Variants in ARAP2 observed in about 807,000 individuals in gnomAD.
ARAP2 encodes the protein ArfGAP with RhoGAP domain, ankyrin repeat and PH domain 2, also known as arf-GAP with Rho-GAP domain, ANK repeat and PH domain-containing protein 2.
Under a neutral mutation model 194.5 loss-of-function variants are expected in ARAP2, and 148 were observed. The ratio of observed to expected loss-of-function variants is 0.76; its 90% CI spans 0.67 to 0.87. The LOEUF (loss-of-function observed/expected upper bound fraction) is 0.87, where lower values mean the gene tolerates loss of function less well. ARAP2 is among the 40% of genes least tolerant of loss of function. ARAP2 has a pLI of 0.00. For synonymous variants in ARAP2, 695 were observed against 683.5 expected, an observed-to-expected ratio of 1.02 and a Z score of -0.26; for missense variants, 2,128 against 1,989.7, an observed-to-expected ratio of 1.07 and a Z score of -1.32.
rs373069894 is a variant in ARAP2 at position 36,131,753 on chromosome 4, A to G, written c.3427+1473T>C. ...AACTAACATGGTATGAAGATTCCCAATAAGGTTATGCTCCTGCTAAAACAT... is the reference window on the plus strand; with the variant it reads ...AACTAACATGGTATGAAGATTCCCAGTAAGGTTATGCTCCTGCTAAAACAT... On this transcript the variant is annotated intron_variant, in intron 20 of 32. Transcript: ENST00000303965. Among the ~76,000 whole-genome samples the G allele has an allele frequency of 8.6e-5, 13 of 151,868 alleles. No homozygotes were observed. The East Asian group carries it at 1.9e-3, about 23-fold the overall frequency.
chr4:36,058,234 A>G (rs1330824367), intron 1 of ARAP2: 1 of 152,238 alleles, frequency 6.6e-6, no homozygotes, highest in Non-Finnish European at 1.5e-5. Flanking sequence ...TTTTCTGCTA[A>G]GCTTATTAGC....
intron 8 of ARAP2, among the ~76,000 whole-genome samples, chr4:36,014,770 C>G (rs1482632385): frequency 6.6e-6 from 1 of 152,076 alleles, no homozygotes; most frequent in African/African-American, 2.4e-5. Flanking sequence ...AGGCAGAGCC[C>G]TTAGGAATAA....
chr4:36,218,291 G>A (rs925896378), intron 2 of ARAP2, among the ~76,000 whole-genome samples: 1 of 151,974 alleles, frequency 6.6e-6, no homozygotes, highest in Non-Finnish European at 1.5e-5. Flanking sequence ...CACAAAAGAG[G>A]GAACAACAGA....
rs763295633 is a variant in ARAP2 at position 36,117,144 on chromosome 4, G to A, written c.3964-9C>T. Reference sequence around the variant, plus strand: ...TCTCCAGCCTGGGAAACCTAGAAAAGGGCAGAGGTAGAAACAACACAGATA... The same window carrying A: ...TCTCCAGCCTGGGAAACCTAGAAAAAGGCAGAGGTAGAAACAACACAGATA... On this transcript the variant is annotated splice_polypyrimidine_tract_variant and intron_variant, in intron 24 of 32. Transcript: ENST00000303965. 8.2e-6 allele frequency: 13 copies of A among 1,584,872 alleles called. No homozygotes were observed. The East Asian group carries it at 2.8e-4, about 34-fold the overall frequency.
At chr4:36,102,622 G>A (rs1332206602) in intron 27 of ARAP2, among the ~76,000 whole-genome samples, 1 of 151,964 alleles carries the variant, frequency 6.6e-6, no homozygotes, top group Non-Finnish European at 1.5e-5. Context: ...TTACCCAGTT[G>A]AACTACTTTT....
chr4:36,236,481 G>A (rs1366716269), intron 1 of ARAP2, among the ~76,000 whole-genome samples: 1 of 152,102 alleles, frequency 6.6e-6, no homozygotes, highest in Non-Finnish European at 1.5e-5. Context: ...AAAACAAAAA[G>A]AGAGCATACC....
chr4:36,068,982 C>T (rs1304507691), intron 32 of ARAP2, among the ~76,000 whole-genome samples: 44 of 152,156 alleles, frequency 2.9e-4, no homozygotes, highest in Admixed American at 2.9e-3. Context: ...TTCATACTTG[C>T]CTCTTCTAAC....
Position 36,080,247 on chromosome 4 carries a change from G to C in ARAP2, c.4577C>G (p.Thr1526Arg). ...HLCCDSSRTQ[T>R]EWMTSIFIAQ... ...AATAAAGATACTGGTCATCCACTCCGTCTGAGTTCGTGAACTATCACAACA... is the reference window on the plus strand; with the variant it reads ...AATAAAGATACTGGTCATCCACTCCCTCTGAGTTCGTGAACTATCACAACA... The change falls in exon 31 of 33, where the codon ACG becomes AGG. Residue 1526 changes from threonine (T) to arginine (R), a missense_variant. By Grantham distance (71) the Thr-to-Arg change is moderately conservative. Coordinates refer to ENST00000303965, the MANE Select transcript of ARAP2 (RefSeq NM_015230.4). The C allele has an allele frequency of 6.2e-7, 1 of 1,613,074 alleles. No individual in the cohort carries two copies. The highest frequency in any genetic ancestry group is 8.5e-7 in the Non-Finnish European group (1 of 1,179,384).
At chr4:36,098,065 AT>A (rs958024599) in intron 27 of ARAP2, among the ~76,000 whole-genome samples, 4 of 147,458 alleles carry the variant, frequency 2.7e-5, no homozygotes, top group African/African-American at 7.5e-5. Context: ...CAAAAAAAAA[AT>A]AGTTTTTCTA....
chr4:36,153,499 T>C (rs7668732), intron 15 of ARAP2, among the ~76,000 whole-genome samples: 142,966 of 152,274 alleles, frequency 0.94, 67,186 homozygotes, highest in African/African-American at 0.98. Flanking sequence ...ACTCAGGACT[T>C]AGCTGTTCCA....
At chr4:36,172,928 C>T (rs540303890) in intron 9 of ARAP2, among the ~76,000 whole-genome samples, 2 of 152,266 alleles carry the variant, frequency 1.3e-5, no homozygotes, top group South Asian at 4.2e-4. Flanking sequence ...CACAACCCAT[C>T]GCCCTATGAG....
At chr4:36,032,172 C>A (rs963904394) in intron 5 of ARAP2, among the ~76,000 whole-genome samples, 4 of 152,104 alleles carry the variant, frequency 2.6e-5, no homozygotes, top group African/African-American at 9.7e-5. Flanking sequence ...TAATAGGAAA[C>A]ATCAAGGCTA....
At chr4:36,221,638 T>C (rs1749194438) in intron 2 of ARAP2, among the ~76,000 whole-genome samples, 1 of 152,174 alleles carries the variant, frequency 6.6e-6, no homozygotes, top group African/African-American at 2.4e-5. Context: ...ATAATTTGTA[T>C]TGATTTCCTC....
intron 15 of ARAP2, among the ~76,000 whole-genome samples, chr4:36,156,890 C>G (rs1466968375): frequency 6.6e-6 from 1 of 152,148 alleles, no homozygotes; most frequent in African/African-American, 2.4e-5. Context: ...ATTACATATA[C>G]AGATAACGCA....
exon 8 of ARAP2, chr4:36,015,513 G>C (rs1292053758): frequency 3.9e-5 from 6 of 152,200 alleles, no homozygotes; most frequent in Non-Finnish European, 7.3e-5. Context: ...ACCTTATTCA[G>C]ATGTCTGGCA....
rs567170502 is a variant in ARAP2, at chr4:36,100,605, TA to T, written c.4285+6959del. On this transcript the variant is annotated intron_variant, in intron 27 of 32. Coordinates refer to ENST00000303965, the MANE Select transcript of ARAP2 (RefSeq NM_015230.4). ...TTCTTCAGAATTGATTGTATAGATG[TA>T]TTTTTTTTATAATTTTGATGAGGGA... Among the ~76,000 whole-genome samples the T allele has an allele frequency of 9.9e-5, 15 of 152,082 alleles. No individual in the cohort carries two copies. The South Asian group carries it at 3.1e-3, about 32-fold the overall frequency.
rs745833672 is a variant in ARAP2, at chr4:36,214,478, T to C, written c.908A>G (p.Tyr303Cys). 1.9e-6 allele frequency: 3 copies of C among 1,594,248 alleles called. No individual in the cohort carries two copies. The highest frequency in any genetic ancestry group is 2.6e-6 in the Non-Finnish European group (3 of 1,168,104). Residue 303 changes from tyrosine to cysteine, a missense_variant and splice_region_variant, in exon 3 of 33, where the codon TAT becomes TGT. Tyr to Cys is a radical substitution (Grantham distance 194, BLOSUM62 -2). Coordinates refer to ENST00000303965, the MANE Select transcript of ARAP2 (RefSeq NM_015230.4). ...PGSTKGVSGS[Y>C]FRERRNVATS... Reference sequence around the variant, plus strand: ...AGCAACATTTCTTCTTTCACGGAAATAGCTTAAAAAGCAAAGGAGAAAATA... The same window carrying C: ...AGCAACATTTCTTCTTTCACGGAAACAGCTTAAAAAGCAAAGGAGAAAATA...
chr4:36,186,256 A>G (rs931269842), intron 8 of ARAP2, among the ~76,000 whole-genome samples: 1 of 152,222 alleles, frequency 6.6e-6, no homozygotes, highest in African/African-American at 2.4e-5. Flanking sequence ...TAGTAATGAC[A>G]TATTATGATA....
rs533284631 is a variant in ARAP2, at chr4:36,119,320, A to G, written c.3963+330T>C. On this transcript the variant is annotated intron_variant, in intron 24 of 32. Transcript: ENST00000303965. ...AATCACTAGGCTGTCTGAATTTTCA[A>G]CTTACTCTAAGTATTTCTTTGGTTT... Among the ~76,000 whole-genome samples the G allele has an allele frequency of 1.3e-4, 20 of 151,634 alleles. No homozygotes were observed. The South Asian group carries it at 4.1e-3, about 31-fold the overall frequency.
Sources: gnomAD v4.1 joint callset for allele counts (sites outside exome capture counted in the v4.1 genomes callset) on GRCh38, gnomAD v4.1.1 for gene constraint, MANE v1.5 for transcripts, NCBI Gene and HGNC (gene_info 2026-07-23, HGNC 2026-07-21) for gene names.